The following SYN2 variants were observed in gnomAD, a reference collection of about 807,000 sequenced individuals.
SYN2 encodes the protein synapsin-2.
Under a neutral mutation model 50.9 loss-of-function variants are expected in SYN2, and 19 were observed. That is an observed-to-expected ratio of 0.37 (90% confidence interval 0.26 to 0.55). SYN2 has a LOEUF of 0.55. SYN2 is among the 20% of genes least tolerant of loss of function. The pLI is 0.81. For synonymous variants in SYN2, 255 were observed against 224.9 expected (o/e 1.13, Z -1.20); for missense variants, 587 against 576.4 (o/e 1.02, Z -0.19).
Position 12,004,805 on chromosome 3 carries a change from C to T in SYN2, c.254C>T (p.Ser85Leu). Residue 85 changes from serine to leucine, a missense_variant, in exon 1 of 13, where the codon TCG (serine) becomes TTG (leucine). Transcript: ENST00000621198. ...TPSVGSSFFS[S>L]LSQAVKQTAA... The stretch of plus-strand genomic sequence containing the variant: ...TCGGTGGGCAGCAGCTTCTTCAGCT[C>T]GCTGTCCCAAGCCGTGAAGCAGACG... The T allele has an allele frequency of 2.4e-6, 1 of 421,186 alleles. No individual in the cohort carries two copies. Among genetic ancestry groups the T allele is most frequent in the Non-Finnish European group, 4.2e-6 (1 of 240,216 alleles). The allele number at this position is 421,186 out of a possible 1,614,324, so 26.1% of individuals were successfully genotyped here. A position where few individuals can be genotyped will look rare whatever the true frequency, so the allele number is the denominator to read the frequency against.
At chr3:12,039,082 A>G (rs1694558876) in intron 1 of SYN2, among the ~76,000 whole-genome samples, 1 of 151,976 alleles carries the variant, frequency 6.6e-6, no homozygotes, top group South Asian at 2.1e-4. Context: ...GTTTCCTTTG[A>G]TTTCTAGGTT....
intron 1 of SYN2, among the ~76,000 whole-genome samples, chr3:12,017,847 A>G (rs753916610): frequency 2.0e-5 from 3 of 152,194 alleles, no homozygotes; most frequent in Non-Finnish European, 4.4e-5. Context: ...CTAGATGAAT[A>G]TTCCTTCATT....
At chr3:12,059,119 T>C (rs1471954267) in intron 1 of SYN2, among the ~76,000 whole-genome samples, 1 of 152,116 alleles carries the variant, frequency 6.6e-6, no homozygotes, top group Non-Finnish European at 1.5e-5. Flanking sequence ...TTTGCAGTGG[T>C]AGAAAGGAAA....
At chr3:12,115,373 A>G (rs1350913382) in intron 1 of SYN2, among the ~76,000 whole-genome samples, 1 of 152,202 alleles carries the variant, frequency 6.6e-6, no homozygotes, top group South Asian at 2.1e-4. Flanking sequence ...CTCTGTAAGT[A>G]AAATCAACTT....
In SYN2 at chr3:12,013,565, A is replaced by G. The variant is rs145648801; in HGVS notation, c.377+8637A>G. 3.8e-3 allele frequency among the ~76,000 whole-genome samples: 577 copies of G among 152,194 alleles called. 4 individuals are homozygous for G. The highest frequency in any genetic ancestry group is 0.013 in the African/African-American group (549 of 41,520). ...GTGGTTAAGAGTCGTTTGATCCAAT[A>G]TTGAAATCCATGTTTTTCCTTCCTA... On this transcript the variant is annotated intron_variant, in intron 1 of 12. Transcript: ENST00000621198.
intron 5 of SYN2, chr3:12,158,499 T>G: frequency 2.9e-6 from 2 of 689,538 alleles, no homozygotes; most frequent in Non-Finnish European, 4.6e-6. Context: ...GATGAAATCT[T>G]CATTTCCTTA....
chr3:12,125,022 C>T (rs1023988206), intron 1 of SYN2, among the ~76,000 whole-genome samples: 2 of 147,054 alleles, frequency 1.4e-5, no homozygotes, highest in African/African-American at 2.5e-5. Context: ...GAGGATTTTT[C>T]TTTTTTTTTT....
chr3:12,070,353 G>A (rs529419266), intron 1 of SYN2: 34 of 511,994 alleles, frequency 6.6e-5, no homozygotes, highest in South Asian at 3.4e-4. Flanking sequence ...ACCAGGGCAC[G>A]ATGGTGGGCA....
intron 1 of SYN2, among the ~76,000 whole-genome samples, chr3:12,094,438 A>G (rs1221814054): frequency 6.6e-6 from 1 of 152,248 alleles, no homozygotes; most frequent in African/African-American, 2.4e-5. Context: ...GATAGGAAAT[A>G]TCAGTTCCAT....
intron 1 of SYN2, among the ~76,000 whole-genome samples, chr3:12,060,781 A>T (rs1695096887): frequency 6.6e-6 from 1 of 152,124 alleles, no homozygotes; most frequent in Admixed American, 6.5e-5. Context: ...ACTTCACACT[A>T]AAGGCCTATT....
intron 1 of SYN2, among the ~76,000 whole-genome samples, chr3:12,019,785 A>G (rs1694093034): frequency 6.6e-6 from 1 of 152,210 alleles, no homozygotes; most frequent in African/African-American, 2.4e-5. Context: ...AAATTGGTAT[A>G]ATTTCCTGCT....
intron 11 of SYN2, 119 bp from the exon 12 acceptor site, chr3:12,187,250 T>G (rs1698359912): frequency 1.5e-6 from 2 of 1,366,840 alleles, no homozygotes; most frequent in Admixed American, 3.0e-5. Flanking sequence ...GACTCCAGCT[T>G]CTTGGAATAG....
At chr3:12,034,291 A>G (rs1216153081) in intron 1 of SYN2, among the ~76,000 whole-genome samples, 2 of 152,160 alleles carry the variant, frequency 1.3e-5, no homozygotes, top group African/African-American at 2.4e-5. Context: ...ATGATTAATG[A>G]TGTCAGCTAT....
chr3:12,131,684 A>G (rs1696799417), intron 1 of SYN2, among the ~76,000 whole-genome samples: 1 of 150,718 alleles, frequency 6.6e-6, no homozygotes, highest in Non-Finnish European at 1.5e-5. Context: ...TAATCTTGTT[A>G]TCTTGTGATA....
intron 5 of SYN2, chr3:12,157,395 T>C: frequency 6.2e-7 from 1 of 1,614,156 alleles, no homozygotes; most frequent in Non-Finnish European, 8.5e-7. Flanking sequence ...CTTTATCTGT[T>C]TGATTTCATA....
At chr3:12,089,077 T>A (rs560696038) in intron 1 of SYN2, among the ~76,000 whole-genome samples, 1 of 152,374 alleles carries the variant, frequency 6.6e-6, no homozygotes, top group South Asian at 2.1e-4. Flanking sequence ...TTAGCTTGAT[T>A]TAATCTTTCT....
chr3:12,073,688 A>T (rs1000795599), intron 1 of SYN2, among the ~76,000 whole-genome samples: 1 of 152,152 alleles, frequency 6.6e-6, no homozygotes, highest in African/African-American at 2.4e-5. Flanking sequence ...TATTTTTGCT[A>T]TTGGTTTGTA....
rs962694548 is a variant in SYN2, at chr3:12,177,707, G to A, written c.1309-5605G>A. Among the ~76,000 whole-genome samples the A allele has an allele frequency of 3.9e-5, 6 of 152,302 alleles. No homozygotes were observed. The East Asian group carries it at 9.6e-4, about 24-fold the overall frequency. On this transcript the variant is annotated intron_variant, in intron 10 of 12. Transcript: ENST00000621198. Reference sequence around the variant, plus strand: ...GGCAGGTTCAGATAAAGCCACTAGTGACTAGATCCCTTAACAGACTATTAA... The same window carrying A: ...GGCAGGTTCAGATAAAGCCACTAGTAACTAGATCCCTTAACAGACTATTAA...
At chr3:12,033,925 T>G (rs1276984299) in intron 1 of SYN2, among the ~76,000 whole-genome samples, 5 of 152,254 alleles carry the variant, frequency 3.3e-5, no homozygotes, top group African/African-American at 1.2e-4. Flanking sequence ...GTCTATTTAC[T>G]TATCAGTTGA....
Sources: allele counts gnomAD v4.1 joint callset (sites outside exome capture counted in the v4.1 genomes callset), GRCh38; gene constraint gnomAD v4.1.1; transcripts MANE v1.5; gene names NCBI Gene and HGNC (gene_info 2026-07-23, HGNC 2026-07-21).